LAMA3: variants seen among roughly 807,000 people sequenced by gnomAD.
The protein encoded by LAMA3 is laminin subunit alpha-3.
In LAMA3, 281 loss-of-function variants were observed where a neutral mutation model predicts 402.0. That is an observed-to-expected ratio of 0.70 (90% CI 0.63 to 0.77). The LOEUF is 0.77. LAMA3 is among the 30% of genes least tolerant of loss of function. LAMA3 has a pLI of 0.00. For synonymous variants in LAMA3, 1,431 were observed against 1,558.4 expected, an observed-to-expected ratio of 0.92 and a Z score of 1.93; for missense variants, 3,840 against 4,215.5, an observed-to-expected ratio of 0.91 and a Z score of 2.47.
At chr18:23,753,285 G>A (rs1474593239) in intron 5 of LAMA3, among the ~76,000 whole-genome samples, 2 of 152,060 alleles carry the variant, frequency 1.3e-5, no homozygotes, top group Non-Finnish European at 2.9e-5. Flanking sequence ...CCCAGAACCT[G>A]GGATAGTATT....
intron 34 of LAMA3, among the ~76,000 whole-genome samples, chr18:23,860,265 T>C (rs12955139): frequency 6.9e-6 from 1 of 144,878 alleles, no homozygotes. Flanking sequence ...TCTTTTCTTT[T>C]TTTTTTTTTT....
chr18:23,928,848 G>A (rs2082082123), intron 64 of LAMA3, 83 bp downstream of exon 64: 1 of 1,313,050 alleles, frequency 7.6e-7, no homozygotes, highest in South Asian at 1.2e-5. Flanking sequence ...GATTTAGAAA[G>A]TGGTGGAGTT....
rs775521954 is a variant in LAMA3, at chr18:23,903,094, T to A, written c.6287T>A (p.Ile2096Asn). ...GACTCATCTTTGTTGCAAACCAACATTGCGCTGCAGCTGATGGAGAAAAGC... is the reference window on the plus strand; with the variant it reads ...GACTCATCTTTGTTGCAAACCAACAATGCGCTGCAGCTGATGGAGAAAAGC... Reference protein sequence around the residue: ...TADSSLLQTNIALQLMEKSQK... With the variant: ...TADSSLLQTNNALQLMEKSQK... Residue 2096 changes from isoleucine to asparagine, a missense_variant, in exon 49 of 75, where the codon ATT becomes AAT. Ile to Asn is a moderately radical substitution (Grantham distance 149). Transcript: ENST00000313654. The A allele has an allele frequency of 2.5e-6, 4 of 1,611,674 alleles. No homozygotes were observed. The African/African-American group carries it at 4.0e-5, about 16-fold the overall frequency.
intron 12 of LAMA3, among the ~76,000 whole-genome samples, chr18:23,789,557 G>A (rs1301667197): frequency 1.3e-5 from 2 of 152,168 alleles, no homozygotes; most frequent in African/African-American, 4.8e-5. Flanking sequence ...AATGAAAGAA[G>A]TCAGTCACAA....
intron 56 of LAMA3, 99 bp downstream of exon 56, chr18:23,912,980 C>G: frequency 9.0e-7 from 1 of 1,110,414 alleles, no homozygotes; most frequent in Admixed American, 1.7e-5. Context: ...GCCATTAGCA[C>G]AGCAGGCAGA....
intron 20 of LAMA3, among the ~76,000 whole-genome samples, 163 bp downstream of exon 20, chr18:23,822,538 A>G (rs2063306759): frequency 6.6e-6 from 1 of 152,226 alleles, no homozygotes; most frequent in Non-Finnish European, 1.5e-5. Context: ...GTTACCTTGC[A>G]TTCTCTAAAC....
chr18:23,776,282 T>C lies in LAMA3; in HGVS notation c.1405+359T>C, dbSNP rs79633795. Among the ~76,000 whole-genome samples the C allele has an allele frequency of 7.9e-5, 12 of 152,308 alleles. No individual in the cohort carries two copies. In the East Asian group the frequency reaches 2.3e-3, roughly 29 times the overall value. On this transcript the variant is annotated intron_variant, in intron 10 of 74. Coordinates refer to ENST00000313654, the MANE Select transcript of LAMA3 (RefSeq NM_198129.4). ...TTTATCTGCATGCATATAGTGTGTGTTGTGTTTCAGGAGCCCAGGGAAACG... is the reference window on the plus strand; with the variant it reads ...TTTATCTGCATGCATATAGTGTGTGCTGTGTTTCAGGAGCCCAGGGAAACG...
chr18:23,933,838 T>C lies in LAMA3; in HGVS notation c.8765T>C (p.Val2922Ala). ...ACCAGTAACTCTCTCAAGAGAGATG[T>C]GTCCCTGGGAGGCTGCAGTTTAAAC... ...DLTSNSLKRD[V>A]SLGGCSLNKP... The change falls in exon 67 of 75, where the codon GTG becomes GCG. Residue 2922 changes from valine to alanine, a missense_variant. Physicochemically the swap from Val to Ala is moderately conservative, Grantham distance 64 (BLOSUM62 0). Coordinates refer to ENST00000313654, the MANE Select transcript of LAMA3 (RefSeq NM_198129.4). 19 of 1,613,986 alleles carry C rather than the reference T, an allele frequency of 1.2e-5. No homozygotes were observed. Among genetic ancestry groups the C allele is most frequent in the Non-Finnish European group, 1.6e-5 (19 of 1,179,830 alleles).
chr18:23,783,553 G>A (rs955589645), intron 11 of LAMA3, among the ~76,000 whole-genome samples: 2 of 152,216 alleles, frequency 1.3e-5, no homozygotes, highest in African/African-American at 2.4e-5. Flanking sequence ...CAGCCTGGCT[G>A]TGGGGAAGGC....
chr18:23,810,650 C>T (rs1357885854), intron 13 of LAMA3, 147 bp downstream of exon 13: 8 of 878,112 alleles, frequency 9.1e-6, no homozygotes, highest in Middle Eastern at 2.8e-4. Context: ...CTTGGTTCCT[C>T]ACCTGTTCAA....
chr18:23,932,468 A>G (rs2082191193), intron 66 of LAMA3, 177 bp downstream of exon 66: 1 of 637,650 alleles, frequency 1.6e-6, no homozygotes, highest in African/African-American at 1.8e-5. Context: ...ACCCATAAAA[A>G]ACTCCTGGGC....
At chr18:23,737,050 G>A (rs1347637617) in intron 2 of LAMA3, among the ~76,000 whole-genome samples, 1 of 151,822 alleles carries the variant, frequency 6.6e-6, no homozygotes, top group Non-Finnish European at 1.5e-5. Flanking sequence ...CTCCTCCAGT[G>A]GGCAGAGTAG....
intron 39 of LAMA3, among the ~76,000 whole-genome samples, chr18:23,880,614 C>A (rs974038597): frequency 6.6e-6 from 1 of 152,230 alleles, no homozygotes; most frequent in South Asian, 2.1e-4. Flanking sequence ...CGCGATGGCT[C>A]ATGCCTATAA....
rs543197116 is a variant in LAMA3 at position 23,822,201 on chromosome 18, T to A, written c.2305-51T>A. The A allele has an allele frequency of 2.8e-5, 45 of 1,608,146 alleles. No individual in the cohort carries two copies. The East Asian group carries it at 1.0e-3, about 36-fold the overall frequency. On this transcript the variant is annotated intron_variant, in intron 19 of 74. Transcript: ENST00000313654. ...GAATAAAGTCACTGTTTGGCTAGCA[T>A]GTCTTTTAACCATTTTTTTCTATGC...
rs949368575 is a variant in LAMA3 at position 23,689,544 on chromosome 18, A to T, written c.-140A>T. On this transcript the variant is annotated 5_prime_UTR_variant, in exon 1 of 75. Coordinates refer to ENST00000313654, the MANE Select transcript of LAMA3 (RefSeq NM_198129.4). ...GCCGCGGGCTTCCAGCGCGTGGAGCAAGGGGAGCGGCCCCGGCGCCGCCCA... is the reference window on the plus strand; with the variant it reads ...GCCGCGGGCTTCCAGCGCGTGGAGCTAGGGGAGCGGCCCCGGCGCCGCCCA... 17 of 805,350 alleles carry T rather than the reference A, an allele frequency of 2.1e-5. No individual in the cohort carries two copies. Among genetic ancestry groups the T allele is most frequent in the Non-Finnish European group, 2.6e-5 (16 of 604,510 alleles). 49.9% of individuals were successfully genotyped at this position (805,350 alleles called of 1,614,324 possible).
Position 23,914,574 on chromosome 18 carries a change from T to C in LAMA3, c.7481+13T>C, listed in dbSNP as rs1435184732. 1.9e-6 allele frequency: 3 copies of C among 1,613,190 alleles called. No individual in the cohort carries two copies. The highest frequency in any genetic ancestry group is 2.5e-6 in the Non-Finnish European group (3 of 1,179,352). ...TGAAATTTCAGAGGTACAAGTCTGATTGACTGTACCTGTGCTCACCAAACT... is the reference window on the plus strand; with the variant it reads ...TGAAATTTCAGAGGTACAAGTCTGACTGACTGTACCTGTGCTCACCAAACT... On this transcript the variant is annotated intron_variant, in intron 57 of 74. Transcript: ENST00000313654.
intron 1 of LAMA3, chr18:23,709,698 C>A: frequency 2.4e-6 from 1 of 416,938 alleles, no homozygotes; most frequent in South Asian, 2.1e-5. Context: ...AAGGAAAGAG[C>A]CTCCTCAATG....
chr18:23,739,907 A>G (rs1295882499), intron 2 of LAMA3, among the ~76,000 whole-genome samples: 1 of 152,254 alleles, frequency 6.6e-6, no homozygotes, highest in Non-Finnish European at 1.5e-5. Flanking sequence ...GCTGGTTATT[A>G]AAGTTGAGTT....
chr18:23,927,443 A>G (rs766811903), intron 62 of LAMA3, among the ~76,000 whole-genome samples: 1 of 152,178 alleles, frequency 6.6e-6, no homozygotes, highest in African/African-American at 2.4e-5. Context: ...TGCTGGGATT[A>G]CAGGCATGAG....
Sources: allele counts gnomAD v4.1 joint callset (sites outside exome capture counted in the v4.1 genomes callset), GRCh38; gene constraint gnomAD v4.1.1; transcripts MANE v1.5; gene names NCBI Gene and HGNC (gene_info 2026-07-23, HGNC 2026-07-21).